OR7E24: variants seen among roughly 807,000 people sequenced by gnomAD.
OR7E24 encodes the protein olfactory receptor 7E24.
For missense variants in OR7E24, 385 were observed against 410.3 expected (o/e 0.94, Z 0.53); for synonymous variants, 130 against 157.5 (o/e 0.83, Z 1.31).
At chr19:9,221,340 C>CTTTTTT in the OR7E24 span, among the ~76,000 whole-genome samples, 5 of 81,180 alleles carry the variant, frequency 6.2e-5, 2 homozygotes, top group African/African-American at 3.7e-4. Context: ...GTCTTTTGCC[C>CTTTTTT]TTTTTTTTTT....
chr19:9,231,898 G>A, the OR7E24 span, among the ~76,000 whole-genome samples: 14 of 152,060 alleles, frequency 9.2e-5, no homozygotes, highest in Admixed American at 7.9e-4. Context: ...TTTCTGTTTT[G>A]TGTTATGGAT....
At position 9,251,180 on chromosome 19, in the gene OR7E24, C is replaced by G; in HGVS notation, c.137C>G (p.Ala46Gly). The part of the protein sequence containing the change: ...SEDPELQPVL[A>G]GLFLSMYLVT... ...GATCCAGAACTGCAGCCGGTCCTCGCTGGGCTGTTCCTGTCCATGTACCTG... is the reference window on the plus strand; with the variant it reads ...GATCCAGAACTGCAGCCGGTCCTCGGTGGGCTGTTCCTGTCCATGTACCTG... Residue 46 changes from alanine to glycine, a missense_variant, in exon 1 of 1, where the codon GCT becomes GGT. Coordinates refer to ENST00000456448, the MANE Select transcript of OR7E24 (RefSeq NM_001079935.2). 1 of 1,614,012 alleles carries G rather than the reference C, an allele frequency of 6.2e-7. No individual in the cohort carries two copies. Among genetic ancestry groups the G allele is most frequent in the Non-Finnish European group, 8.5e-7 (1 of 1,179,964 alleles).
chr19:9,235,120 T>G, the OR7E24 span: 1 of 838,704 alleles, frequency 1.2e-6, no homozygotes, highest in African/African-American at 1.7e-5. Flanking sequence ...TTTTTCCTCC[T>G]TCCCCAGTAG....
At chr19:9,243,686 C>T (rs2066122060), upstream of OR7E24, among the ~76,000 whole-genome samples, 1 of 152,194 alleles carries the variant, frequency 6.6e-6, no homozygotes, top group Non-Finnish European at 1.5e-5. Flanking sequence ...GTTTCCAATT[C>T]CACACCACCC....
chr19:9,251,390 T>C lies in OR7E24; in HGVS notation c.347T>C (p.Leu116Pro), dbSNP rs746257687. The change falls in exon 1 of 1, where the codon CTG becomes CCG. Residue 116 changes from leucine (L) to proline (P), a missense_variant. Coordinates refer to ENST00000456448, the MANE Select transcript of OR7E24 (RefSeq NM_001079935.2). ...HSRVISYEGC[L>P]TQMSFFVLFA... ...AGAGTCATCTCCTATGAAGGCTGCC[T>C]GACTCAGATGTCTTTTTTTGTCCTT... The C allele has an allele frequency of 6.2e-7, 1 of 1,614,182 alleles. No homozygotes were observed. The highest frequency in any genetic ancestry group is 8.5e-7 in the Non-Finnish European group (1 of 1,180,024).
At chr19:9,213,417 T>G in the OR7E24 span, 1 of 151,558 alleles carries the variant, frequency 6.6e-6, no homozygotes, top group Admixed American at 6.5e-5. Flanking sequence ...AAATCATAGT[T>G]GTTTTTGATT....
the OR7E24 span, among the ~76,000 whole-genome samples, chr19:9,231,699 GT>G: frequency 4.2e-3 from 617 of 148,098 alleles, 5 homozygotes; most frequent in East Asian, 0.031. Flanking sequence ...TGTGGTTAAG[GT>G]TTTTTTTTTA....
chr19:9,231,542 T>C, the OR7E24 span, among the ~76,000 whole-genome samples: 1 of 152,060 alleles, frequency 6.6e-6, no homozygotes, highest in Non-Finnish European at 1.5e-5. Flanking sequence ...ATTGCGCCAC[T>C]GCGCTCCAGC....
At chr19:9,234,999 G>A in the OR7E24 span, 416,184 of 493,280 alleles carry the variant, frequency 0.84, 176,339 homozygotes, top group Admixed American at 0.88. Flanking sequence ...GAGAAACTCC[G>A]CACGTTTCAA....
the OR7E24 span, chr19:9,213,782 C>T: frequency 1.4e-6 from 1 of 724,530 alleles, no homozygotes. Context: ...ATAACAACAA[C>T]CAAAAATCCC....
At chr19:9,236,016 C>G in the OR7E24 span, 1 of 1,610,778 alleles carries the variant, frequency 6.2e-7, no homozygotes, top group Non-Finnish European at 8.5e-7. Flanking sequence ...TCATCTACAG[C>G]CTGAGGAACA....
chr19:9,215,320 T>C, the OR7E24 span, among the ~76,000 whole-genome samples: 1 of 124,076 alleles, frequency 8.1e-6, no homozygotes, highest in Non-Finnish European at 1.6e-5. Flanking sequence ...TCCAGCCTGG[T>C]GACAAAGTGA....
chr19:9,231,352 C>T, the OR7E24 span, among the ~76,000 whole-genome samples: 4 of 151,902 alleles, frequency 2.6e-5, no homozygotes, highest in Non-Finnish European at 4.4e-5. Context: ...GAGGCCAAGG[C>T]GGGTGGATCA....
chr19:9,241,647 T>C, the OR7E24 span, among the ~76,000 whole-genome samples: 2 of 152,060 alleles, frequency 1.3e-5, no homozygotes, highest in African/African-American at 2.4e-5. Context: ...GCCTGTAATC[T>C]CAGCTACTTG....
At chr19:9,239,319 G>A in the OR7E24 span, among the ~76,000 whole-genome samples, 7 of 151,864 alleles carry the variant, frequency 4.6e-5, no homozygotes, top group East Asian at 3.9e-4. Context: ...ACAGGCACCC[G>A]CCACCATGCC....
the OR7E24 span, among the ~76,000 whole-genome samples, chr19:9,237,938 A>G: frequency 1.3e-5 from 2 of 152,190 alleles, no homozygotes; most frequent in African/African-American, 4.8e-5. Flanking sequence ...AGCAATGTAT[A>G]AAGTTCTAGT....
At chr19:9,240,832 T>G in the OR7E24 span, among the ~76,000 whole-genome samples, 2 of 152,208 alleles carry the variant, frequency 1.3e-5, no homozygotes, top group African/African-American at 4.8e-5. Flanking sequence ...TATTTATTTA[T>G]TTTGAGACAC....
the OR7E24 span, among the ~76,000 whole-genome samples, chr19:9,220,121 A>G: frequency 6.6e-6 from 1 of 152,178 alleles, no homozygotes; most frequent in Non-Finnish European, 1.5e-5. Context: ...GGAAATATAT[A>G]TACATTGTGG....
the OR7E24 span, chr19:9,213,499 G>A: frequency 6.1e-6 from 1 of 164,478 alleles, no homozygotes; most frequent in Non-Finnish European, 1.3e-5. Context: ...TAGCACTTTG[G>A]GAGGCTGAGG....
Sources: allele counts gnomAD v4.1 joint callset (sites outside exome capture counted in the v4.1 genomes callset), GRCh38; gene constraint gnomAD v4.1.1; transcripts MANE v1.5; gene names NCBI Gene and HGNC (gene_info 2026-07-23, HGNC 2026-07-21).